Variants in SNTG2 observed in about 807,000 individuals in gnomAD.
SNTG2 encodes syntrophin gamma 2.
Under a neutral mutation model 70.9 loss-of-function variants are expected in SNTG2, and 74 were observed. The observed-to-expected ratio is 1.04, with a 90% CI of 0.86 to 1.27. The LOEUF (loss-of-function observed/expected upper bound fraction) is 1.27. Ranked by LOEUF, SNTG2 falls within the 50% of genes most tolerant of loss-of-function variation. The pLI is 0.00. For missense variants in SNTG2, 717 were observed against 690.7 expected (o/e 1.04, Z -0.43); for synonymous variants, 278 against 273.8 (o/e 1.02, Z -0.15).
intron 14 of SNTG2, among the ~76,000 whole-genome samples, chr2:1,270,596 G>T (rs1006694357): frequency 1.3e-5 from 2 of 152,186 alleles, no homozygotes; most frequent in Non-Finnish European, 2.9e-5. Flanking sequence ...TGTCTTGAGA[G>T]TCACGTTCTT....
chr2:1,155,144 ACACT>A (rs147874781), intron 6 of SNTG2, among the ~76,000 whole-genome samples: 12,678 of 140,196 alleles, frequency 0.09, 914 homozygotes, highest in African/African-American at 0.22. Flanking sequence ...ACACACAGAC[ACACT>A]CCATACACAC....
chr2:1,072,856 C>G (rs1036073762), intron 1 of SNTG2, among the ~76,000 whole-genome samples: 1 of 152,122 alleles, frequency 6.6e-6, no homozygotes, highest in Non-Finnish European at 1.5e-5. Flanking sequence ...AACAGGACTT[C>G]GGAAGATGGT....
At chr2:1,309,508 A>G (rs1340728433) in intron 15 of SNTG2, among the ~76,000 whole-genome samples, 1 of 152,200 alleles carries the variant, frequency 6.6e-6, no homozygotes, top group African/African-American at 2.4e-5. Flanking sequence ...GACACTTTCT[A>G]TTGTCAGGAC....
chr2:1,239,718 C>T lies in SNTG2; in HGVS notation c.850-20C>T. ...GGTGTTGGTGGCTGTGGCCCTGACTCTTCTGCCTTCTCTCCACAGATGAAG... is the reference window on the plus strand; with the variant it reads ...GGTGTTGGTGGCTGTGGCCCTGACTTTTCTGCCTTCTCTCCACAGATGAAG... On this transcript the variant is annotated intron_variant, in intron 10 of 16. Coordinates refer to ENST00000308624, the MANE Select transcript of SNTG2 (RefSeq NM_018968.4). The T allele has an allele frequency of 1.9e-6, 3 of 1,612,644 alleles. No homozygotes were observed. The highest frequency in any genetic ancestry group is 2.5e-6 in the Non-Finnish European group (3 of 1,179,432).
At chr2:1,037,613 A>G (rs1398825253) in intron 1 of SNTG2, among the ~76,000 whole-genome samples, 1 of 152,096 alleles carries the variant, frequency 6.6e-6, no homozygotes, top group Non-Finnish European at 1.5e-5. Context: ...GGTGCTTTAT[A>G]TACACAGAAT....
At chr2:1,048,600 T>C (rs994940610) in intron 1 of SNTG2, among the ~76,000 whole-genome samples, 4 of 152,186 alleles carry the variant, frequency 2.6e-5, no homozygotes, top group Admixed American at 6.5e-5. Flanking sequence ...GGTGCTGTTA[T>C]GTGGTCTCGG....
At chr2:1,080,125 G>T (rs892703216) in intron 1 of SNTG2, among the ~76,000 whole-genome samples, 1 of 152,172 alleles carries the variant, frequency 6.6e-6, no homozygotes, top group Admixed American at 6.5e-5. Flanking sequence ...GCAATGGTGT[G>T]GCTGGGGGAC....
At chr2:1,164,032 A>G (rs998795285) in intron 6 of SNTG2, among the ~76,000 whole-genome samples, 2 of 152,232 alleles carry the variant, frequency 1.3e-5, no homozygotes, top group Admixed American at 6.5e-5. Context: ...AATGACGGGC[A>G]TGGAAAGTGA....
At chr2:1,364,734 T>C (rs1281768045) in intron 16 of SNTG2, among the ~76,000 whole-genome samples, 1 of 33,768 alleles carries the variant, frequency 3.0e-5, no homozygotes, top group East Asian at 1.0e-3. Flanking sequence ...CTACTAAAAA[T>C]ACCAAAAAAA....
intron 11 of SNTG2, among the ~76,000 whole-genome samples, chr2:1,241,617 A>C (rs28500546): frequency 0.096 from 14,657 of 152,134 alleles, 785 homozygotes; most frequent in South Asian, 0.15. Flanking sequence ...GCTATCCTTC[A>C]CCCTCTCCCC....
At chr2:982,640 G>C (rs1406036159) in intron 1 of SNTG2, among the ~76,000 whole-genome samples, 1 of 152,230 alleles carries the variant, frequency 6.6e-6, no homozygotes, top group African/African-American at 2.4e-5. Flanking sequence ...TAAAGTCAGC[G>C]TGCATGCAGT....
At position 1,083,633 on chromosome 2, in the gene SNTG2, G is replaced by A; in HGVS notation, c.188G>A (p.Gly63Asp). Reference protein sequence around the residue: ...TIQKQDVVCVGGSHQGRNRRT... With the variant: ...TIQKQDVVCVDGSHQGRNRRT... ...CAGAAACAAGATGTTGTCTGTGTGGGCGGAAGCCACCAGGGCAGGAATGTA... is the reference window on the plus strand; with the variant it reads ...CAGAAACAAGATGTTGTCTGTGTGGACGGAAGCCACCAGGGCAGGAATGTA... The change falls in exon 2 of 17, where the codon GGC (glycine) becomes GAC (aspartate). Residue 63 changes from glycine to aspartate, a missense_variant. Gly to Asp is a moderately conservative substitution (Grantham distance 94). Coordinates refer to ENST00000308624, the MANE Select transcript of SNTG2 (RefSeq NM_018968.4). The A allele has an allele frequency of 6.2e-7, 1 of 1,613,718 alleles. No homozygotes were observed. The highest frequency in any genetic ancestry group is 8.5e-7 in the Non-Finnish European group (1 of 1,179,684).
chr2:1,033,522 AAC>A (rs1398718558), intron 1 of SNTG2, among the ~76,000 whole-genome samples: 2 of 135,782 alleles, frequency 1.5e-5, no homozygotes, highest in Non-Finnish European at 3.5e-5. Flanking sequence ...CGGGGATGGA[AAC>A]AGGGTATGTT....
intron 8 of SNTG2, among the ~76,000 whole-genome samples, chr2:1,204,297 A>C (rs1673488196): frequency 6.6e-6 from 1 of 152,222 alleles, no homozygotes; most frequent in African/African-American, 2.4e-5. Flanking sequence ...ATTGTATGCC[A>C]TTTATGCCTC....
At chr2:1,131,208 C>T (rs1456203579) in intron 4 of SNTG2, among the ~76,000 whole-genome samples, 2 of 152,094 alleles carry the variant, frequency 1.3e-5, no homozygotes, top group Non-Finnish European at 2.9e-5. Flanking sequence ...GGTGAATTTG[C>T]TGAAGTCAGT....
At position 1,182,392 on chromosome 2, in the gene SNTG2, ACT is replaced by A. The variant is rs200724677; in HGVS notation, c.591+9212_591+9213del. Among the ~76,000 whole-genome samples the A allele has an allele frequency of 3.3e-5, 5 of 151,034 alleles. No homozygotes were observed. The East Asian group carries it at 9.7e-4, about 29-fold the overall frequency. On this transcript the variant is annotated intron_variant, in intron 8 of 16. Coordinates refer to ENST00000308624, the MANE Select transcript of SNTG2 (RefSeq NM_018968.4). ...AAAAAAAAAAAAACTAATCAAAAAG[ACT>A]CTGGTCATTGTAACTAACTGAATGA... is the stretch of plus-strand genomic sequence containing the variant.
At chr2:1,165,943 G>A (rs1317460805) in intron 7 of SNTG2, among the ~76,000 whole-genome samples, 6 of 152,052 alleles carry the variant, frequency 3.9e-5, no homozygotes, top group Admixed American at 1.3e-4. Context: ...ATATGTTAAC[G>A]TAGAAGCAAA....
At chr2:951,463 C>T (rs115751154) in intron 1 of SNTG2, among the ~76,000 whole-genome samples, 6,012 of 152,224 alleles carry the variant, frequency 0.039, 385 homozygotes, top group African/African-American at 0.14. Context: ...CCGGAGCGTC[C>T]CCCCTGCAGC....
chr2:1,124,793 G>C (rs1220991009), intron 4 of SNTG2, among the ~76,000 whole-genome samples: 2 of 152,176 alleles, frequency 1.3e-5, no homozygotes, highest in Non-Finnish European at 2.9e-5. Context: ...AGGAGATGGT[G>C]GTGGGGAGGA....
Sources: allele counts gnomAD v4.1 joint callset (sites outside exome capture counted in the v4.1 genomes callset), GRCh38; gene constraint gnomAD v4.1.1; transcripts MANE v1.5; gene names NCBI Gene and HGNC (gene_info 2026-07-23, HGNC 2026-07-21).